Variants in CDYL2 observed in about 807,000 individuals in gnomAD.
The protein encoded by CDYL2 is chromodomain Y like 2.
A neutral mutation model predicts 49.4 loss-of-function variants in CDYL2; 23 were observed. The ratio of observed to expected loss-of-function variants is 0.47; its 90% confidence interval spans 0.34 to 0.66. The LOEUF (loss-of-function observed/expected upper bound fraction) is 0.66. CDYL2 is among the 30% of genes least tolerant of loss of function. The probability of loss-of-function intolerance (pLI) is 0.01; values close to 1 mark genes in which losing one functional copy is unlikely to be tolerated. For synonymous variants in CDYL2, 360 were observed against 268.8 expected, an observed-to-expected ratio of 1.34 and a Z score of -3.32; for missense variants, 678 against 656.4, an observed-to-expected ratio of 1.03 and a Z score of -0.36.
chr16:80,629,334 T>C (rs1349967491), intron 3 of CDYL2, among the ~76,000 whole-genome samples: 1 of 152,138 alleles, frequency 6.6e-6, no homozygotes, highest in Non-Finnish European at 1.5e-5. Context: ...TGGACTGTAA[T>C]GGTTATGGTG....
chr16:80,791,649 C>T (rs1270313097), intron 1 of CDYL2, among the ~76,000 whole-genome samples: 3 of 152,080 alleles, frequency 2.0e-5, no homozygotes. Context: ...TGGTAACGGA[C>T]AGTGTCCCAG....
At chr16:80,701,595 T>C (rs987532548) in intron 1 of CDYL2, among the ~76,000 whole-genome samples, 4 of 152,064 alleles carry the variant, frequency 2.6e-5, no homozygotes, top group Admixed American at 6.5e-5. Context: ...ACAAGAAATA[T>C]TGGAAAACTA....
chr16:80,733,353 T>C (rs1039748279), intron 1 of CDYL2, among the ~76,000 whole-genome samples: 1 of 152,232 alleles, frequency 6.6e-6, no homozygotes, highest in Non-Finnish European at 1.5e-5. Flanking sequence ...ATTTTATATA[T>C]CTTGTAGAAG....
chr16:80,739,760 G>A (rs912376057), intron 1 of CDYL2, among the ~76,000 whole-genome samples: 4 of 152,184 alleles, frequency 2.6e-5, no homozygotes, highest in African/African-American at 7.2e-5. Flanking sequence ...TGCTCTCAGA[G>A]AGACAGAGAG....
intron 2 of CDYL2, among the ~76,000 whole-genome samples, chr16:80,674,939 G>C (rs16953804): frequency 0.016 from 2,367 of 152,250 alleles, 70 homozygotes; most frequent in African/African-American, 0.054. Flanking sequence ...GTGTATATAT[G>C]ATGTGTGCAT....
chr16:80,759,596 G>A (rs1906458726), intron 1 of CDYL2, among the ~76,000 whole-genome samples: 1 of 152,114 alleles, frequency 6.6e-6, no homozygotes, highest in Admixed American at 6.5e-5. Context: ...TGTTCCTTTT[G>A]GTTTGGGTTA....
At chr16:80,764,659 T>C (rs1272864489) in intron 1 of CDYL2, among the ~76,000 whole-genome samples, 1 of 152,120 alleles carries the variant, frequency 6.6e-6, no homozygotes, top group Non-Finnish European at 1.5e-5. Flanking sequence ...ATCAATGGTA[T>C]CTAATATATA....
chr16:80,661,331 A>T (rs1909035510), intron 2 of CDYL2, among the ~76,000 whole-genome samples: 1 of 152,146 alleles, frequency 6.6e-6, no homozygotes, highest in African/African-American at 2.4e-5. Context: ...AGTGATCTAC[A>T]CCTGCCCCCA....
chr16:80,727,114 C>A (rs1371299339), intron 1 of CDYL2, among the ~76,000 whole-genome samples: 1 of 152,210 alleles, frequency 6.6e-6, no homozygotes, highest in Admixed American at 6.5e-5. Context: ...CAAATAGGAA[C>A]AGCTCCAGTC....
intron 1 of CDYL2, among the ~76,000 whole-genome samples, chr16:80,748,468 C>A (rs1326836539): frequency 7.5e-6 from 1 of 133,616 alleles, no homozygotes; most frequent in Non-Finnish European, 1.5e-5. Context: ...CGGATCGCGC[C>A]ACTGCCCTCC....
intron 2 of CDYL2, among the ~76,000 whole-genome samples, chr16:80,663,253 C>T (rs1481464101): frequency 6.6e-6 from 1 of 151,264 alleles, no homozygotes; most frequent in East Asian, 1.9e-4. Flanking sequence ...TCAGCTTGAG[C>T]ACTTCCGGTC....
intron 1 of CDYL2, among the ~76,000 whole-genome samples, chr16:80,768,373 G>A (rs545087596): frequency 7.9e-5 from 12 of 152,298 alleles, no homozygotes; most frequent in Non-Finnish European, 1.5e-4. Flanking sequence ...ACTAACCAGT[G>A]TCCATGTGTC....
intron 1 of CDYL2, among the ~76,000 whole-genome samples, chr16:80,758,531 T>A (rs1906393478): frequency 6.7e-6 from 1 of 149,848 alleles, no homozygotes; most frequent in East Asian, 2.0e-4. Flanking sequence ...TACAGAAGTT[T>A]GCTGCAGCAC....
At chr16:80,733,552 C>G (rs1311534467) in intron 1 of CDYL2, among the ~76,000 whole-genome samples, 1 of 152,166 alleles carries the variant, frequency 6.6e-6, no homozygotes, top group African/African-American at 2.4e-5. Flanking sequence ...TCCCCTTGCC[C>G]TGGGGACATC....
intron 2 of CDYL2, among the ~76,000 whole-genome samples, chr16:80,633,620 C>A (rs976801015): frequency 6.6e-6 from 1 of 152,174 alleles, no homozygotes; most frequent in Non-Finnish European, 1.5e-5. Flanking sequence ...CAGCAGCTAA[C>A]CTTTAACCAA....
At chr16:80,747,407 G>C (rs995733980) in intron 1 of CDYL2, among the ~76,000 whole-genome samples, 9 of 152,104 alleles carry the variant, frequency 5.9e-5, no homozygotes, top group African/African-American at 1.7e-4. Context: ...ATAGGGTTAG[G>C]GGAAGGATTT....
chr16:80,759,122 ATATATATATAT>A (rs1328097790), intron 1 of CDYL2, among the ~76,000 whole-genome samples: 3 of 127,854 alleles, frequency 2.3e-5, no homozygotes, highest in African/African-American at 1.0e-4. Context: ...ATATATATAT[ATATATATATAT>A]ATATATGGTT....
chr16:80,800,916 A>C (rs1907906500), intron 1 of CDYL2, among the ~76,000 whole-genome samples: 2 of 152,340 alleles, frequency 1.3e-5, no homozygotes, highest in East Asian at 1.9e-4. Context: ...TCTAAAGTCT[A>C]CTGGAGCCCA....
At chr16:80,705,509 A>G (rs915042696) in intron 1 of CDYL2, among the ~76,000 whole-genome samples, 1 of 152,274 alleles carries the variant, frequency 6.6e-6, no homozygotes, top group African/African-American at 2.4e-5. Flanking sequence ...TGTAGAAGGC[A>G]CACTGAGGGA....
Sources: gnomAD v4.1 joint callset for allele counts (sites outside exome capture counted in the v4.1 genomes callset) on GRCh38, gnomAD v4.1.1 for gene constraint, MANE v1.5 for transcripts, NCBI Gene and HGNC (gene_info 2026-07-23, HGNC 2026-07-21) for gene names.